GPC6: variants seen among roughly 807,000 people sequenced by gnomAD.
GPC6 encodes glypican-6.
In GPC6, 14 loss-of-function variants were observed where a neutral mutation model predicts 55.2. The ratio of observed to expected loss-of-function variants is 0.25; its 90% CI spans 0.17 to 0.40. The LOEUF (loss-of-function observed/expected upper bound fraction) is 0.40, where lower values mean the gene tolerates loss of function less well. Ranked by LOEUF, GPC6 falls within the 10% of genes least tolerant of loss-of-function variation. The pLI, the probability that GPC6 is intolerant of heterozygous loss-of-function variation, is 1.00. For missense variants in GPC6, 641 were observed against 708.5 expected (o/e 0.90, Z 1.08); for synonymous variants, 278 against 259.6 (o/e 1.07, Z -0.68).
chr13:93,358,487 A>G (rs1473117079), intron 1 of GPC6, among the ~76,000 whole-genome samples: 2 of 152,208 alleles, frequency 1.3e-5, no homozygotes, highest in Non-Finnish European at 2.9e-5. Context: ...ATGAGACACA[A>G]TGAAATGAAG....
intron 1 of GPC6, among the ~76,000 whole-genome samples, chr13:93,235,646 A>T (rs905025276): frequency 8.5e-5 from 13 of 152,124 alleles, no homozygotes; most frequent in Non-Finnish European, 1.6e-4. Flanking sequence ...AAAAGGGAAA[A>T]TTTTAAAAAA....
At chr13:93,549,756 G>A (rs1021436845) in intron 2 of GPC6, among the ~76,000 whole-genome samples, 34 of 151,582 alleles carry the variant, frequency 2.2e-4, no homozygotes, top group African/African-American at 7.3e-4. Context: ...TGGAAGATTT[G>A]TTTTTAACTC....
intron 2 of GPC6, among the ~76,000 whole-genome samples, chr13:93,775,755 C>T (rs1184912533): frequency 6.6e-6 from 1 of 152,040 alleles, no homozygotes; most frequent in Non-Finnish European, 1.5e-5. Flanking sequence ...TCTTACTTTG[C>T]CTTAATTGAA....
In GPC6 at chr13:93,823,416, A is replaced by G. The variant is rs143146330; in HGVS notation, c.320-6738A>G. 2.9e-3 allele frequency among the ~76,000 whole-genome samples: 437 copies of G among 151,920 alleles called. 5 individuals carry two copies. The highest frequency in any genetic ancestry group is 9.9e-3 in the African/African-American group (410 of 41,434). ...ATTCTGGTTCTATTGATCTAGGGCAACTCACTTAACATTTTGAGCCTCAGC... is the reference window on the plus strand; with the variant it reads ...ATTCTGGTTCTATTGATCTAGGGCAGCTCACTTAACATTTTGAGCCTCAGC... On this transcript the variant is annotated intron_variant, in intron 2 of 8. Transcript: ENST00000377047.
intron 4 of GPC6, among the ~76,000 whole-genome samples, chr13:94,248,851 G>A (rs562362057): frequency 6.6e-5 from 10 of 152,230 alleles, no homozygotes; most frequent in African/African-American, 1.9e-4. Context: ...ATTATGGCTG[G>A]CAGCAGGAGT....
chr13:93,490,336 C>A (rs1291357574), intron 1 of GPC6, among the ~76,000 whole-genome samples: 3 of 151,156 alleles, frequency 2.0e-5, no homozygotes, highest in Admixed American at 6.6e-5. Flanking sequence ...GTCTTCTCAA[C>A]CTTATCACAC....
intron 4 of GPC6, among the ~76,000 whole-genome samples, chr13:94,140,440 G>T (rs555679454): frequency 6.6e-6 from 1 of 152,146 alleles, no homozygotes; most frequent in Non-Finnish European, 1.5e-5. Context: ...TAAATTGTTA[G>T]TGAAAGAAAA....
intron 2 of GPC6, among the ~76,000 whole-genome samples, chr13:93,667,572 A>G (rs1881191469): frequency 6.6e-6 from 1 of 151,926 alleles, no homozygotes; most frequent in South Asian, 2.1e-4. Context: ...AGCTGGGATT[A>G]CAGGTGCCCG....
intron 3 of GPC6, among the ~76,000 whole-genome samples, chr13:93,970,207 G>A (rs997134372): frequency 1.3e-5 from 2 of 152,270 alleles, no homozygotes; most frequent in Middle Eastern, 3.4e-3. Flanking sequence ...GATCCTTACA[G>A]CAGGGCTATT....
chr13:93,977,519 G>GT (rs1566631074), intron 3 of GPC6, among the ~76,000 whole-genome samples: 5 of 105,636 alleles, frequency 4.7e-5, no homozygotes, highest in East Asian at 3.6e-4. Flanking sequence ...TGTGTGTGTG[G>GT]TGTGTCTTTA....
At chr13:93,995,441 G>C (rs145186255) in intron 3 of GPC6, among the ~76,000 whole-genome samples, 2 of 152,022 alleles carry the variant, frequency 1.3e-5, no homozygotes, top group African/African-American at 4.8e-5. Context: ...GTCCACCTTG[G>C]CCTCCCAAAG....
At chr13:93,757,187 G>A (rs1884801496) in intron 2 of GPC6, among the ~76,000 whole-genome samples, 1 of 152,080 alleles carries the variant, frequency 6.6e-6, no homozygotes, top group Non-Finnish European at 1.5e-5. Context: ...CTCCCTACAG[G>A]CCCATGTATG....
At chr13:93,752,778 A>G (rs759793390) in intron 2 of GPC6, among the ~76,000 whole-genome samples, 40 of 152,164 alleles carry the variant, frequency 2.6e-4, no homozygotes, top group Non-Finnish European at 5.4e-4. Context: ...GACAGGCTGC[A>G]TGTCTTTTAT....
At chr13:93,923,907 C>G (rs997179164) in intron 3 of GPC6, among the ~76,000 whole-genome samples, 3 of 152,144 alleles carry the variant, frequency 2.0e-5, no homozygotes, top group African/African-American at 4.8e-5. Flanking sequence ...ACTTATTATT[C>G]AGCTTCTTAT....
intron 1 of GPC6, among the ~76,000 whole-genome samples, chr13:93,521,309 T>C (rs1881413635): frequency 6.6e-6 from 1 of 151,916 alleles, no homozygotes; most frequent in South Asian, 2.1e-4. Flanking sequence ...TCTTTTCTTT[T>C]TTTTTAGGGT....
At chr13:93,892,748 T>C (rs1221819870) in intron 3 of GPC6, among the ~76,000 whole-genome samples, 3 of 152,158 alleles carry the variant, frequency 2.0e-5, no homozygotes, top group African/African-American at 7.2e-5. Context: ...CTCAACAACA[T>C]ATCATTAACC....
intron 1 of GPC6, among the ~76,000 whole-genome samples, chr13:93,437,790 C>T (rs796941333): frequency 6.6e-6 from 1 of 152,144 alleles, no homozygotes; most frequent in Admixed American, 6.6e-5. Flanking sequence ...AAGATAGCTA[C>T]ACTAAACAAC....
intron 1 of GPC6, among the ~76,000 whole-genome samples, chr13:93,535,915 C>T (rs1882044795): frequency 1.3e-5 from 2 of 152,230 alleles, no homozygotes; most frequent in South Asian, 4.1e-4. Flanking sequence ...GCTAGTAGAC[C>T]TCAGTGATGA....
chr13:93,745,761 C>G (rs1381845065), intron 2 of GPC6, among the ~76,000 whole-genome samples: 1 of 152,048 alleles, frequency 6.6e-6, no homozygotes, highest in African/African-American at 2.4e-5. Flanking sequence ...TTTTTGTTTT[C>G]CCATCCTACG....
Sources: gnomAD v4.1 joint callset for allele counts (sites outside exome capture counted in the v4.1 genomes callset) on GRCh38, gnomAD v4.1.1 for gene constraint, MANE v1.5 for transcripts, NCBI Gene and HGNC (gene_info 2026-07-23, HGNC 2026-07-21) for gene names.